Variants in UBXN7 observed in about 807,000 individuals in gnomAD.
The protein encoded by UBXN7 is UBX domain protein 7.
In UBXN7, 9 loss-of-function variants were observed where a neutral mutation model predicts 58.0. That is an observed-to-expected ratio of 0.16 (90% CI 0.09 to 0.27). UBXN7 has a LOEUF of 0.27. Ranked by LOEUF, UBXN7 falls within the 10% of genes least tolerant of loss-of-function variation. UBXN7 has a pLI of 1.00. For synonymous variants in UBXN7, 208 were observed against 205.0 expected (o/e 1.01, Z -0.12); for missense variants, 328 against 599.6 (o/e 0.55, Z 4.73).
At chr3:196,412,230 C>CAAA (rs55746914) in intron 1 of UBXN7, among the ~76,000 whole-genome samples, 92 of 88,992 alleles carry the variant, frequency 1.0e-3, no homozygotes, top group African/African-American at 3.4e-3. Flanking sequence ...GACTTTGTCT[C>CAAA]AAAAAAAAAA....
chr3:196,422,623 G>C (rs1225442548), intron 1 of UBXN7, among the ~76,000 whole-genome samples: 2 of 152,108 alleles, frequency 1.3e-5, no homozygotes, highest in Non-Finnish European at 2.9e-5. Flanking sequence ...TCCTGGCCTA[G>C]AGCAATCCTC....
chr3:196,356,648 A>G lies in UBXN7; in HGVS notation c.*37T>C. On this transcript the variant is annotated 3_prime_UTR_variant, in exon 11 of 11. Transcript: ENST00000296328. ...TGACATGTATCTCACAGGAAAAGGG[A>G]AAAAAGGGGTAAGCTGAGAGAGGTC... 6.5e-7 allele frequency: 1 copy of G among 1,549,312 alleles called. No homozygotes were observed. The highest frequency in any genetic ancestry group is 8.7e-7 in the Non-Finnish European group (1 of 1,154,786).
intron 3 of UBXN7, among the ~76,000 whole-genome samples, chr3:196,401,196 G>A (rs1045700039): frequency 2.3e-5 from 3 of 133,232 alleles, no homozygotes; most frequent in Admixed American, 1.7e-4. Context: ...CGGCTCACCT[G>A]AGCTCGGGAG....
In UBXN7 at chr3:196,407,251, G is replaced by C; in HGVS notation, c.216C>G (p.His72Gln). 1 of 1,613,842 alleles carries C rather than the reference G, an allele frequency of 6.2e-7. No homozygotes were observed. The highest frequency in any genetic ancestry group is 8.5e-7 in the Non-Finnish European group (1 of 1,179,930). ...SSASVSTVRP[H>Q]TEEEVRAPIP... is the part of the protein sequence containing the mutation. ...AACACATAATAAATTCATACTCTGT[G>C]TGTGGTCTGACAGTAGAGACACTTG... The change falls in exon 2 of 11, where the codon CAC becomes CAG. Residue 72 changes from histidine to glutamine, a missense_variant. This residue lies in a region of UBXN7 where 106 missense variants were observed against 124.3 expected (regional missense o/e 0.85). Coordinates refer to ENST00000296328, the MANE Select transcript of UBXN7 (RefSeq NM_015562.2).
At chr3:196,359,251 A>G (rs562834630) in intron 10 of UBXN7, among the ~76,000 whole-genome samples, 24 of 152,258 alleles carry the variant, frequency 1.6e-4, no homozygotes, top group African/African-American at 5.8e-4. Flanking sequence ...GCTTTTGGGC[A>G]CCACAAACCA....
At chr3:196,379,206 T>C (rs1214833821) in intron 5 of UBXN7, among the ~76,000 whole-genome samples, 1 of 139,656 alleles carries the variant, frequency 7.2e-6, no homozygotes, top group African/African-American at 2.7e-5. Flanking sequence ...CTTCTTTCCA[T>C]GTTGGTTTTG....
At chr3:196,424,569 G>C (rs938998376) in intron 1 of UBXN7, among the ~76,000 whole-genome samples, 1 of 151,148 alleles carries the variant, frequency 6.6e-6, no homozygotes, top group African/African-American at 2.4e-5. Context: ...ACTTTTTGTA[G>C]AAACAGGCTC....
chr3:196,403,073 T>C (rs1730043031), intron 2 of UBXN7, 54 bp from the exon 3 acceptor site: 18 of 1,502,318 alleles, frequency 1.2e-5, no homozygotes, highest in Admixed American at 2.2e-5. Context: ...TGCTACCTGT[T>C]TGCTTTCTGT....
At chr3:196,428,647 C>T (rs1001785368) in intron 1 of UBXN7, among the ~76,000 whole-genome samples, 1 of 151,998 alleles carries the variant, frequency 6.6e-6, no homozygotes, top group African/African-American at 2.4e-5. Flanking sequence ...AATCCCAGCA[C>T]TTTGGGAGGC....
intron 1 of UBXN7, 148 bp downstream of exon 1, chr3:196,432,179 C>G: frequency 1.8e-6 from 2 of 1,119,394 alleles, no homozygotes; most frequent in Non-Finnish European, 2.6e-6. Flanking sequence ...GAGACCCCGA[C>G]GCCGTCGTCG....
At chr3:196,384,116 A>G (rs1389268190) in intron 5 of UBXN7, among the ~76,000 whole-genome samples, 2 of 152,242 alleles carry the variant, frequency 1.3e-5, no homozygotes, top group Non-Finnish European at 1.5e-5. Flanking sequence ...GATCAAGGTG[A>G]TATCACCACT....
At chr3:196,397,082 C>T (rs1448928105) in intron 3 of UBXN7, among the ~76,000 whole-genome samples, 3 of 152,192 alleles carry the variant, frequency 2.0e-5, no homozygotes, top group Non-Finnish European at 1.5e-5. Context: ...TCAGACCACA[C>T]CACCTCTAGC....
chr3:196,415,782 A>G (rs903979606), intron 1 of UBXN7, among the ~76,000 whole-genome samples: 9 of 149,156 alleles, frequency 6.0e-5, no homozygotes, highest in African/African-American at 2.2e-4. Flanking sequence ...CTTCATCTCA[A>G]AAAAAAAAAA....
At chr3:196,409,844 T>C (rs1577470392) in intron 1 of UBXN7, among the ~76,000 whole-genome samples, 2 of 151,096 alleles carry the variant, frequency 1.3e-5, no homozygotes, top group African/African-American at 4.8e-5. Flanking sequence ...AGCCATCCAG[T>C]GTGGACAGAT....
chr3:196,389,232 G>T lies in UBXN7; in HGVS notation c.468+2581C>A, dbSNP rs140845856. ...TGGCTGTAGTATCACCAGAATACTA[G>T]AAAGGATAGGCAGCTGCCATGTTGA... On this transcript the variant is annotated intron_variant, in intron 5 of 10. Coordinates refer to ENST00000296328, the MANE Select transcript of UBXN7 (RefSeq NM_015562.2). Among the ~76,000 whole-genome samples, 15 of 152,248 alleles carry T rather than the reference G, an allele frequency of 9.9e-5. No individual in the cohort carries two copies. The East Asian group carries it at 2.9e-3, about 29-fold the overall frequency.
chr3:196,411,013 T>A (rs1334410756), intron 1 of UBXN7, among the ~76,000 whole-genome samples: 2 of 152,166 alleles, frequency 1.3e-5, no homozygotes, highest in African/African-American at 4.8e-5. Context: ...ATCCTCCCCA[T>A]CGTCCCCTCA....
At chr3:196,417,130 G>C (rs879113167) in intron 1 of UBXN7, among the ~76,000 whole-genome samples, 22 of 152,102 alleles carry the variant, frequency 1.4e-4, no homozygotes, top group African/African-American at 4.3e-4. Flanking sequence ...TGGCTAACAC[G>C]GTGAAACCCC....
At chr3:196,385,449 C>A (rs1214950612) in intron 5 of UBXN7, among the ~76,000 whole-genome samples, 3 of 152,114 alleles carry the variant, frequency 2.0e-5, no homozygotes, top group Non-Finnish European at 4.4e-5. Flanking sequence ...AGGAGCGCCT[C>A]TGCCCGGCCG....
intron 3 of UBXN7, 49 bp from the exon 4 acceptor site, chr3:196,393,668 A>G: frequency 1.9e-6 from 3 of 1,549,570 alleles, no homozygotes; most frequent in Non-Finnish European, 2.6e-6. Context: ...TAATTTTGAA[A>G]CAATTCTAAA....
Sources: gnomAD v4.1 joint callset for allele counts (sites outside exome capture counted in the v4.1 genomes callset) on GRCh38, gnomAD v4.1.1 for gene constraint, gnomAD v4.1.1 regional missense constraint, MANE v1.5 for transcripts, NCBI Gene and HGNC (gene_info 2026-07-23, HGNC 2026-07-21) for gene names.